RFX7: variants seen among roughly 807,000 people sequenced by gnomAD.
RFX7 encodes the protein DNA-binding protein RFX7.
A neutral mutation model predicts 111.8 loss-of-function variants in RFX7; 26 were observed. That is an observed-to-expected ratio of 0.23 (90% CI 0.17 to 0.32). RFX7 has a LOEUF of 0.32. RFX7 is among the 10% of genes least tolerant of loss of function. The pLI is 1.00. For synonymous variants in RFX7, 624 were observed against 624.4 expected (o/e 1.00, Z 0.01); for missense variants, 1,573 against 1,772.9 (o/e 0.89, Z 2.02).
At chr15:56,106,123 T>C (rs1050725516) in intron 5 of RFX7, among the ~76,000 whole-genome samples, 2 of 152,174 alleles carry the variant, frequency 1.3e-5, no homozygotes, top group Non-Finnish European at 2.9e-5. Flanking sequence ...GGCCCAGTAA[T>C]TTAAAAGAGC....
At chr15:56,235,196 T>C (rs1283263580) in intron 2 of RFX7, among the ~76,000 whole-genome samples, 1 of 151,220 alleles carries the variant, frequency 6.6e-6, no homozygotes, top group African/African-American at 2.4e-5. Context: ...TTTTTTGAGA[T>C]GGAGTCTCAC....
At chr15:56,187,510 G>A (rs1392481447) in intron 2 of RFX7, among the ~76,000 whole-genome samples, 3 of 152,126 alleles carry the variant, frequency 2.0e-5, no homozygotes, top group Admixed American at 1.3e-4. Context: ...TTTTGCCTGA[G>A]GGTACTTATC....
chr15:56,129,352 G>T (rs2140987838), intron 5 of RFX7, among the ~76,000 whole-genome samples: 1 of 150,862 alleles, frequency 6.6e-6, no homozygotes, highest in South Asian at 2.1e-4. Context: ...TCCAGCCTAG[G>T]TGACAAGAGT....
chr15:56,134,775 C>T (rs2042273295), intron 5 of RFX7, among the ~76,000 whole-genome samples: 1 of 152,114 alleles, frequency 6.6e-6, no homozygotes, highest in South Asian at 2.1e-4. Context: ...CCGCCCTCCC[C>T]AACAACAGTC....
chr15:56,092,891 A>T lies in RFX7; in HGVS notation c.*454T>A. 1 of 155,972 alleles carries T rather than the reference A, an allele frequency of 6.4e-6. No homozygotes were observed. The highest frequency in any genetic ancestry group is 2.0e-4 in the South Asian group (1 of 5,060). 9.7% of individuals were successfully genotyped at this position (155,972 alleles called of 1,614,324 possible). A position where few individuals can be genotyped will look rare whatever the true frequency, so the allele number is the denominator to read the frequency against. On this transcript the variant is annotated 3_prime_UTR_variant, in exon 10 of 10. Transcript: ENST00000559447. The stretch of plus-strand genomic sequence containing the variant: ...AGCCTAAATATTTATAATAACCTGA[A>T]TATTATCCCTGTTTCAAGGAAGACT...
In RFX7 at chr15:56,091,016, C is replaced by T. The variant is rs532200248; in HGVS notation, c.*2329G>A. 3.3e-5 allele frequency: 5 copies of T among 152,546 alleles called. No homozygotes were observed. The highest frequency in any genetic ancestry group is 3.4e-3 in the Middle Eastern group (1 of 294). The allele number at this position is 152,546 out of a possible 1,614,324, so 9.4% of individuals were successfully genotyped here. On this transcript the variant is annotated 3_prime_UTR_variant, in exon 10 of 10. Transcript: ENST00000559447. ...TGAATAACTATGCTTGCCTGGTTAA[C>T]ACTGAACCAGTTTCAATACAGCGAA...
intron 2 of RFX7, among the ~76,000 whole-genome samples, chr15:56,211,369 C>T (rs1360917095): frequency 6.6e-6 from 1 of 152,048 alleles, no homozygotes; most frequent in Non-Finnish European, 1.5e-5. Flanking sequence ...CAAACAAAAA[C>T]ACTAGAGACA....
intron 5 of RFX7, among the ~76,000 whole-genome samples, chr15:56,139,377 C>A (rs532238136): frequency 1.3e-5 from 2 of 152,188 alleles, no homozygotes; most frequent in Non-Finnish European, 2.9e-5. Flanking sequence ...CATCATCCAT[C>A]GCTGATACTC....
At chr15:56,114,611 T>C (rs1243889566) in intron 5 of RFX7, among the ~76,000 whole-genome samples, 1 of 152,130 alleles carries the variant, frequency 6.6e-6, no homozygotes, top group Non-Finnish European at 1.5e-5. Flanking sequence ...AACTCATTGA[T>C]AATGCTTTTT....
intron 5 of RFX7, among the ~76,000 whole-genome samples, chr15:56,136,970 C>G (rs1320976281): frequency 6.7e-6 from 1 of 150,168 alleles, no homozygotes. Context: ...ATGAAGCCCA[C>G]TTGATCATGG....
chr15:56,238,521 G>T (rs2043649444), intron 2 of RFX7, among the ~76,000 whole-genome samples: 1 of 152,122 alleles, frequency 6.6e-6, no homozygotes, highest in Admixed American at 6.5e-5. Flanking sequence ...GGAATCAGTA[G>T]AATCTTATAG....
At chr15:56,162,503 T>G (rs574919718) in intron 3 of RFX7, among the ~76,000 whole-genome samples, 2 of 152,198 alleles carry the variant, frequency 1.3e-5, no homozygotes, top group Admixed American at 1.3e-4. Flanking sequence ...CCATCATATT[T>G]TTGAGACAAT....
chr15:56,237,887 A>T (rs1395888047), intron 2 of RFX7, among the ~76,000 whole-genome samples: 1 of 152,168 alleles, frequency 6.6e-6, no homozygotes, highest in East Asian at 1.9e-4. Context: ...CTCAATACGG[A>T]TATGCAAAAT....
At chr15:56,217,231 T>C (rs1451017846) in intron 2 of RFX7, among the ~76,000 whole-genome samples, 2 of 152,180 alleles carry the variant, frequency 1.3e-5, no homozygotes, top group African/African-American at 4.8e-5. Flanking sequence ...ATGTATCTAC[T>C]AAGAATAAGC....
At chr15:56,119,839 T>C (rs1403495785) in intron 5 of RFX7, among the ~76,000 whole-genome samples, 1 of 151,792 alleles carries the variant, frequency 6.6e-6, no homozygotes. Flanking sequence ...AATTTGTTTC[T>C]GGGTTCTCTA....
chr15:56,228,341 T>G (rs2043508923), intron 2 of RFX7, among the ~76,000 whole-genome samples: 1 of 152,200 alleles, frequency 6.6e-6, no homozygotes, highest in Non-Finnish European at 1.5e-5. Context: ...TGTTACACCT[T>G]TTGTAATTAA....
Position 56,091,263 on chromosome 15 carries a change from T to C in RFX7, c.*2082A>G, listed in dbSNP as rs1205085644. 6.6e-6 allele frequency: 1 copy of C among 152,590 alleles called. No individual in the cohort carries two copies. Among genetic ancestry groups the C allele is most frequent in the Non-Finnish European group, 1.5e-5 (1 of 67,996 alleles). The allele number at this position is 152,590 out of a possible 1,614,324, so 9.5% of individuals were successfully genotyped here. A position where few individuals can be genotyped will look rare whatever the true frequency, so the allele number is the denominator to read the frequency against. On this transcript the variant is annotated 3_prime_UTR_variant, in exon 10 of 10. Transcript: ENST00000559447. Reference sequence around the variant, plus strand: ...TGTCACTTTGATGACATTTTGTCTTTTCATAATGAAACACATTTAAAAAGT... The same window carrying C: ...TGTCACTTTGATGACATTTTGTCTTCTCATAATGAAACACATTTAAAAAGT...
At chr15:56,111,984 G>A (rs1156790627) in intron 5 of RFX7, among the ~76,000 whole-genome samples, 1 of 151,980 alleles carries the variant, frequency 6.6e-6, no homozygotes, top group Non-Finnish European at 1.5e-5. Flanking sequence ...GCGTGGTGGT[G>A]TGTGCCTATA....
At chr15:56,148,943 C>T (rs567501138) in intron 3 of RFX7, among the ~76,000 whole-genome samples, 8 of 152,132 alleles carry the variant, frequency 5.3e-5, no homozygotes, top group Admixed American at 6.5e-5. Context: ...ATTAGCCAGG[C>T]GTGGTGGTGG....
Sources: allele counts gnomAD v4.1 joint callset (sites outside exome capture counted in the v4.1 genomes callset), GRCh38; gene constraint gnomAD v4.1.1; transcripts MANE v1.5; gene names NCBI Gene and HGNC (gene_info 2026-07-23, HGNC 2026-07-21).